Variants in KDM3B observed in about 807,000 individuals in gnomAD.
KDM3B encodes lysine demethylase 3B.
A neutral mutation model predicts 170.0 loss-of-function variants in KDM3B; 10 were observed. That is an observed-to-expected ratio of 0.06 (90% CI 0.04 to 0.10). KDM3B has a LOEUF of 0.10. Ranked by LOEUF, KDM3B falls within the 10% of genes least tolerant of loss-of-function variation. KDM3B has a pLI of 1.00. For missense variants in KDM3B, 1,394 were observed against 2,195.2 expected, an observed-to-expected ratio of 0.64 and a Z score of 7.29; for synonymous variants, 831 against 834.8, an observed-to-expected ratio of 1.00 and a Z score of 0.08.
At chr5:138,372,482 C>G (rs756649296) in intron 1 of KDM3B, among the ~76,000 whole-genome samples, 192 bp from the exon 2 acceptor site, 1 of 152,220 alleles carries the variant, frequency 6.6e-6, no homozygotes, top group Non-Finnish European at 1.5e-5. Context: ...TGTTCCTCCT[C>G]TTCAGAATGT....
intron 17 of KDM3B, chr5:138,426,646 T>C (rs1168133681): frequency 1.2e-5 from 3 of 247,752 alleles, no homozygotes; most frequent in Non-Finnish European, 2.4e-5. Context: ...ATCCCAGCAC[T>C]TTGGGAGGCC....
rs1561755732 is a variant in KDM3B, at chr5:138,362,587, A to ACACACAC, written c.192+9600_192+9601insCACACAC. Among the ~76,000 whole-genome samples, 664 of 78,514 alleles carry ACACACAC rather than the reference A, an allele frequency of 8.5e-3. 8 individuals carry two copies. The highest frequency in any genetic ancestry group is 0.021 in the African/African-American group (593 of 28,828). 51.5% of individuals were successfully genotyped at this position (78,514 alleles called of 152,430 possible). A position where few individuals can be genotyped will look rare whatever the true frequency, so the allele number is the denominator to read the frequency against. On this transcript the variant is annotated intron_variant, in intron 1 of 23. Coordinates refer to ENST00000314358, the MANE Select transcript of KDM3B (RefSeq NM_016604.4). ...ACACACACACACACACACACACACAAAATATCTTAAGTGAATAGTGTACGT... is the reference window on the plus strand; with the variant it reads ...ACACACACACACACACACACACACAACACACACAATATCTTAAGTGAATAGTGTACGT...
chr5:138,420,555 G>A (rs1763244969), intron 14 of KDM3B, 151 bp from the exon 15 acceptor site: 5 of 785,274 alleles, frequency 6.4e-6, no homozygotes, highest in Non-Finnish European at 1.0e-5. Context: ...TAGCTTGTAA[G>A]GCTTGACCCA....
rs1198912345 is a variant in KDM3B, at chr5:138,426,358, A to G, written c.4412-617A>G. Among the ~76,000 whole-genome samples the G allele has an allele frequency of 2.0e-5, 3 of 149,360 alleles. No individual in the cohort carries two copies. The South Asian group carries it at 6.4e-4, about 32-fold the overall frequency. On this transcript the variant is annotated intron_variant, in intron 17 of 23. Transcript: ENST00000314358. ...GGGAGGCCGAGGCGGGTGGATCACAAGGTAAGGAGATCGAGACCATCCTGG... is the reference window on the plus strand; with the variant it reads ...GGGAGGCCGAGGCGGGTGGATCACAGGGTAAGGAGATCGAGACCATCCTGG...
At chr5:138,358,366 G>A (rs1167892555) in intron 1 of KDM3B, among the ~76,000 whole-genome samples, 3 of 146,296 alleles carry the variant, frequency 2.1e-5, no homozygotes, top group African/African-American at 5.1e-5. Flanking sequence ...GTGCAGTGGC[G>A]CGATCTCAGC....
chr5:138,417,675 C>T (rs1220159296), intron 13 of KDM3B, 65 bp downstream of exon 13: 4 of 1,524,718 alleles, frequency 2.6e-6, no homozygotes. Context: ...GAAATGCCCC[C>T]TTTTCAACTC....
chr5:138,407,112 A>T (rs1224382131), intron 11 of KDM3B, among the ~76,000 whole-genome samples: 1 of 151,576 alleles, frequency 6.6e-6, no homozygotes, highest in African/African-American at 2.4e-5. Context: ...CAGCCTCCCA[A>T]GTGGCTGGGA....
At chr5:138,395,969 A>C (rs1375418054) in intron 9 of KDM3B, among the ~76,000 whole-genome samples, 1 of 152,172 alleles carries the variant, frequency 6.6e-6, no homozygotes, top group Non-Finnish European at 1.5e-5. Flanking sequence ...GTCATGTTAC[A>C]TATGGACTAG....
chr5:138,419,374 G>T, intron 14 of KDM3B, 142 bp downstream of exon 14: 1 of 1,075,806 alleles, frequency 9.3e-7, no homozygotes, highest in East Asian at 2.6e-5. Flanking sequence ...GGACTGCCGG[G>T]GCCTGGCGTG....
intron 7 of KDM3B, among the ~76,000 whole-genome samples, chr5:138,387,447 A>G (rs1029065529): frequency 3.3e-5 from 5 of 152,172 alleles, no homozygotes; most frequent in Non-Finnish European, 7.3e-5. Context: ...ATAGGAAACT[A>G]CTGTGTGCTG....
chr5:138,353,961 T>C (rs1418949123), intron 1 of KDM3B, among the ~76,000 whole-genome samples: 2 of 152,140 alleles, frequency 1.3e-5, no homozygotes, highest in African/African-American at 4.8e-5. Flanking sequence ...ATGGTGTGTG[T>C]GCGTGTTGGG....
intron 11 of KDM3B, among the ~76,000 whole-genome samples, chr5:138,401,035 G>A (rs1369542409): frequency 6.6e-6 from 1 of 152,024 alleles, no homozygotes; most frequent in Non-Finnish European, 1.5e-5. Flanking sequence ...CACTTTGGGA[G>A]GCCAAGGCGG....
chr5:138,390,270 T>G (rs1762394378), intron 7 of KDM3B, among the ~76,000 whole-genome samples: 1 of 152,224 alleles, frequency 6.6e-6, no homozygotes, highest in Non-Finnish European at 1.5e-5. Context: ...AGGCTTTTTT[T>G]GGGATATTGT....
At chr5:138,388,006 G>T (rs1048989380) in intron 7 of KDM3B, among the ~76,000 whole-genome samples, 1 of 152,090 alleles carries the variant, frequency 6.6e-6, no homozygotes, top group South Asian at 2.1e-4. Context: ...GCGTGAACCT[G>T]GGAGGTGGAG....
rs372757622 is a variant in KDM3B at position 138,398,161 on chromosome 5, A to G, written c.2832-17A>G. 23 of 1,593,262 alleles carry G rather than the reference A, an allele frequency of 1.4e-5. No homozygotes were observed. The highest frequency in any genetic ancestry group is 1.9e-5 in the Non-Finnish European group (22 of 1,165,312). ...GCGTTGCTCCTGCGATTTACCATGT[A>G]TTTGATCATGTCTCAGGTTGATCTT... On this transcript the variant is annotated splice_polypyrimidine_tract_variant and intron_variant, in intron 9 of 23. Transcript: ENST00000314358.
At chr5:138,374,266 T>TTGG (rs1316891410) in intron 2 of KDM3B, 20 of 441,914 alleles carry the variant, frequency 4.5e-5, no homozygotes, top group Non-Finnish European at 8.2e-5. Context: ...TTTGTTTTTG[T>TTGG]TGTTGTTGTT....
At chr5:138,388,428 C>A (rs369493551) in intron 7 of KDM3B, among the ~76,000 whole-genome samples, 1 of 151,802 alleles carries the variant, frequency 6.6e-6, no homozygotes, top group Non-Finnish European at 1.5e-5. Flanking sequence ...GTCAGGAGAT[C>A]GAGACCATCC....
intron 6 of KDM3B, among the ~76,000 whole-genome samples, chr5:138,382,701 T>C (rs551183416): frequency 3.0e-4 from 45 of 152,168 alleles, no homozygotes; most frequent in African/African-American, 9.6e-4. Flanking sequence ...AGGGTCTCGC[T>C]ATCTTGCCCA....
intron 2 of KDM3B, among the ~76,000 whole-genome samples, chr5:138,374,491 C>T (rs1206477869): frequency 6.6e-6 from 1 of 152,170 alleles, no homozygotes; most frequent in Non-Finnish European, 1.5e-5. Context: ...ATCTCCTGAC[C>T]TCGTGATCCA....
Sources: gnomAD v4.1 joint callset for allele counts (sites outside exome capture counted in the v4.1 genomes callset) on GRCh38, gnomAD v4.1.1 for gene constraint, MANE v1.5 for transcripts, NCBI Gene and HGNC (gene_info 2026-07-23, HGNC 2026-07-21) for gene names.